The following EML6 variants were observed in gnomAD, a reference collection of about 807,000 sequenced individuals.
EML6 encodes echinoderm microtubule-associated protein-like 6.
EML6 carries 154 observed loss-of-function variants against 240.1 expected under a neutral mutation model. The ratio of observed to expected loss-of-function variants is 0.64; its 90% CI spans 0.56 to 0.73. The LOEUF (loss-of-function observed/expected upper bound fraction) is 0.73, where lower values mean the gene tolerates loss of function less well. Ranked by LOEUF, EML6 falls within the 30% of genes least tolerant of loss-of-function variation. The pLI, the probability that EML6 is intolerant of heterozygous loss-of-function variation, is 0.00. For synonymous variants in EML6, 1,148 were observed against 899.0 expected, an observed-to-expected ratio of 1.28 and a Z score of -4.95; for missense variants, 2,964 against 2,474.6, an observed-to-expected ratio of 1.20 and a Z score of -4.20.
At chr2:54,878,302 A>T (rs555909770) in intron 16 of EML6, among the ~76,000 whole-genome samples, 15 of 152,180 alleles carry the variant, frequency 9.9e-5, no homozygotes, top group African/African-American at 3.6e-4. Flanking sequence ...TTTATCACAG[A>T]CCTGTGTTGC....
rs942077420 is a variant in EML6, at chr2:54,810,209, GA to G, written c.198-3014del. 1.4e-4 allele frequency among the ~76,000 whole-genome samples: 21 copies of G among 151,350 alleles called. 1 individual carries two copies. The highest frequency in any genetic ancestry group is 5.1e-4 in the African/African-American group (21 of 41,312). ...AACAGTGTGAAGGAACTTCTGGCAA[GA>G]AAAAAAAATTGCAATGTGAACTTTT... On this transcript the variant is annotated intron_variant, in intron 2 of 41. Transcript: ENST00000356458.
chr2:54,808,970 A>G (rs967465406), intron 2 of EML6, among the ~76,000 whole-genome samples: 5 of 152,216 alleles, frequency 3.3e-5, no homozygotes, highest in African/African-American at 1.2e-4. Flanking sequence ...AGGTTTATAT[A>G]TTAAAAAACA....
intron 28 of EML6, among the ~76,000 whole-genome samples, chr2:54,937,134 C>G (rs1042970388): frequency 6.6e-6 from 1 of 151,972 alleles, no homozygotes; most frequent in Non-Finnish European, 1.5e-5. Flanking sequence ...ATAAAATTAG[C>G]TGGCTGTGGT....
chr2:54,832,336 C>T lies in EML6; in HGVS notation c.847+2859C>T, dbSNP rs554922659. Among the ~76,000 whole-genome samples, 7 of 152,312 alleles carry T rather than the reference C, an allele frequency of 4.6e-5. No individual in the cohort carries two copies. In the East Asian group the frequency reaches 1.4e-3, roughly 29 times the overall value. On this transcript the variant is annotated intron_variant, in intron 7 of 41. Coordinates refer to ENST00000356458, the MANE Select transcript of EML6 (RefSeq NM_001039753.4). ...GCCAGGCCTTGGTGCCATTATTGCACTGAAGCAAGGAAGGAGGATGTTGAG... is the reference window on the plus strand; with the variant it reads ...GCCAGGCCTTGGTGCCATTATTGCATTGAAGCAAGGAAGGAGGATGTTGAG...
At chr2:54,829,802 AACAAAC>A (rs1374780417) in intron 7 of EML6, among the ~76,000 whole-genome samples, 1 of 152,226 alleles carries the variant, frequency 6.6e-6, no homozygotes, top group East Asian at 1.9e-4. Flanking sequence ...AGCCTCTGAA[AACAAAC>A]AAATGAGAGG....
intron 26 of EML6, among the ~76,000 whole-genome samples, chr2:54,922,772 GGTAA>G (rs1674326825): frequency 6.6e-6 from 1 of 152,038 alleles, no homozygotes; most frequent in African/African-American, 2.4e-5. Flanking sequence ...AGAAGGACAT[GGTAA>G]GTGAGATGAG....
Position 54,943,577 on chromosome 2 carries a change from C to T in EML6, c.4005-5305C>T, listed in dbSNP as rs79309603. Among the ~76,000 whole-genome samples, 29 of 152,260 alleles carry T rather than the reference C, an allele frequency of 1.9e-4. No individual in the cohort carries two copies. In the East Asian group the frequency reaches 5.4e-3, roughly 28 times the overall value. On this transcript the variant is annotated intron_variant, in intron 28 of 41. Coordinates refer to ENST00000356458, the MANE Select transcript of EML6 (RefSeq NM_001039753.4). The stretch of plus-strand genomic sequence containing the variant: ...ATCCTATCTCATCTGTCCTCTGTCC[C>T]TGCCATTCTGCTGACATGGGGGCTC...
intron 7 of EML6, among the ~76,000 whole-genome samples, chr2:54,833,482 T>A (rs1257641951): frequency 6.6e-6 from 1 of 152,238 alleles, no homozygotes; most frequent in African/African-American, 2.4e-5. Context: ...TGTAGTAGCT[T>A]GAGCTAATTA....
At chr2:54,771,029 G>A (rs939194858) in intron 2 of EML6, among the ~76,000 whole-genome samples, 14 of 152,214 alleles carry the variant, frequency 9.2e-5, no homozygotes, top group Admixed American at 5.9e-4. Flanking sequence ...CTCTGTTTTG[G>A]GTTTAAGATG....
intron 8 of EML6, among the ~76,000 whole-genome samples, chr2:54,846,224 G>A (rs1669744379): frequency 1.3e-5 from 2 of 152,024 alleles, no homozygotes; most frequent in Admixed American, 6.5e-5. Flanking sequence ...CAACAGAGGG[G>A]GATATCATTT....
At chr2:54,890,839 T>C (rs1160334711) in intron 17 of EML6, among the ~76,000 whole-genome samples, 1 of 152,198 alleles carries the variant, frequency 6.6e-6, no homozygotes, top group Non-Finnish European at 1.5e-5. Flanking sequence ...AAATAAACTT[T>C]GGCAGCAATA....
At position 54,869,172 on chromosome 2, in the gene EML6, G is replaced by C. The variant is rs941610549; in HGVS notation, c.2052-9G>C. 1 of 1,540,874 alleles carries C rather than the reference G, an allele frequency of 6.5e-7. No individual in the cohort carries two copies. The highest frequency in any genetic ancestry group is 1.4e-5 in the African/African-American group (1 of 72,856). ...CAACCACTATGCATTTCTTGGACCT[G>C]TGCTTCAGTTATAGAGGCTACGACT... On this transcript the variant is annotated splice_polypyrimidine_tract_variant and intron_variant, in intron 14 of 41. Transcript: ENST00000356458.
chr2:54,740,917 G>T (rs1356003320), intron 2 of EML6, among the ~76,000 whole-genome samples: 1 of 152,016 alleles, frequency 6.6e-6, no homozygotes, highest in Non-Finnish European at 1.5e-5. Context: ...TAGTCCATAT[G>T]ATAAAAATGT....
At chr2:54,946,670 G>A (rs1675708919) in intron 28 of EML6, among the ~76,000 whole-genome samples, 2 of 152,156 alleles carry the variant, frequency 1.3e-5, no homozygotes, top group South Asian at 4.1e-4. Context: ...GCAGGGAATT[G>A]TCAAGTAAGT....
intron 2 of EML6, among the ~76,000 whole-genome samples, chr2:54,771,806 C>G (rs1668412626): frequency 1.3e-5 from 2 of 152,210 alleles, no homozygotes; most frequent in African/African-American, 4.8e-5. Flanking sequence ...GCCTATTTTT[C>G]TACTCTGATA....
chr2:54,962,578 A>C lies in EML6; in HGVS notation c.5024A>C (p.Asn1675Thr). Residue 1675 changes from asparagine (N) to threonine (T), a missense_variant, in exon 36 of 42, where the codon AAT becomes ACT. By Grantham distance (65) the Asn-to-Thr change is moderately conservative. Transcript: ENST00000356458. ...GAAATAATTGAAGTTGGTGAAAAAA[A>C]TGCTGCTTCTAACATCCTGATTGAT... The part of the protein sequence containing the change: ...DGEIIEVGEK[N>T]AASNILIDGH... 4.5e-6 allele frequency: 7 copies of C among 1,549,890 alleles called. No individual in the cohort carries two copies. Among genetic ancestry groups the C allele is most frequent in the Non-Finnish European group, 6.1e-6 (7 of 1,146,110 alleles).
At chr2:54,879,694 G>C (rs1671716852) in intron 17 of EML6, 54 bp downstream of exon 17, 5 of 1,038,310 alleles carry the variant, frequency 4.8e-6, no homozygotes, top group Non-Finnish European at 7.2e-6. Context: ...GTTCAGTAAA[G>C]GTCAATAGTT....
At chr2:54,947,559 A>G (rs1010823534) in intron 28 of EML6, among the ~76,000 whole-genome samples, 2 of 152,174 alleles carry the variant, frequency 1.3e-5, no homozygotes, top group African/African-American at 4.8e-5. Flanking sequence ...AACACTGGGA[A>G]TTATTAGGCT....
At chr2:54,838,642 G>T (rs1669278204) in intron 7 of EML6, among the ~76,000 whole-genome samples, 1 of 152,182 alleles carries the variant, frequency 6.6e-6, no homozygotes. Context: ...TCTCTTCTCT[G>T]GTCTGAGTAT....
Sources: allele counts gnomAD v4.1 joint callset (sites outside exome capture counted in the v4.1 genomes callset), GRCh38; gene constraint gnomAD v4.1.1; transcripts MANE v1.5; gene names NCBI Gene and HGNC (gene_info 2026-07-23, HGNC 2026-07-21).